PLB1: variants seen among roughly 807,000 people sequenced by gnomAD.
PLB1 encodes phospholipase B1, also known as phospholipase B1, membrane-associated.
A neutral mutation model predicts 227.4 loss-of-function variants in PLB1; 242 were observed. That is an observed-to-expected ratio of 1.06 (90% CI 0.96 to 1.18). The LOEUF is 1.18. Among genes scored for constraint, PLB1 ranks in the 50% most tolerant of loss-of-function variants. PLB1 has a pLI of 0.00. For missense variants in PLB1, 1,858 were observed against 1,816.3 expected, an observed-to-expected ratio of 1.02 and a Z score of -0.42; for synonymous variants, 757 against 682.2, an observed-to-expected ratio of 1.11 and a Z score of -1.71.
At position 28,632,977 on chromosome 2, in the gene PLB1, G is replaced by GACTGTTTTCACTTCT; in HGVS notation, c.4037_4051dup (p.Phe1350_Ser1351insTyrCysPheHisPhe). ...CACTGACCTCACCTTCTTCTCCGAG[G>GACTGTTTTCACTTCT]ACTGTTTTCACTTCTCAGACCGCGG... On this transcript the variant is annotated inframe_insertion, in exon 56 of 58. Coordinates refer to ENST00000327757, the MANE Select transcript of PLB1 (RefSeq NM_153021.5). 6.2e-7 allele frequency: 1 copy of GACTGTTTTCACTTCT among 1,606,516 alleles called. No individual in the cohort carries two copies. Among genetic ancestry groups the GACTGTTTTCACTTCT allele is most frequent in the Non-Finnish European group, 8.5e-7 (1 of 1,179,904 alleles).
rs751892649 is a variant in PLB1 at position 28,642,895 on chromosome 2, T to C, written c.4211T>C (p.Leu1404Ser). Residue 1404 changes from leucine (L) to serine (S), a missense_variant, in exon 58 of 58, where the codon TTG becomes TCG. Physicochemically the swap from Leu to Ser is moderately radical, Grantham distance 145. Transcript: ENST00000327757. ...PYLYTLRNSR[L>S]LPDQAEEAPE... Reference sequence around the variant, plus strand: ...CTCTACACCCTGCGGAACAGCCGATTGCTCCCAGACCAGGCTGAAGAAGCC... The same window carrying C: ...CTCTACACCCTGCGGAACAGCCGATCGCTCCCAGACCAGGCTGAAGAAGCC... 3.1e-6 allele frequency: 5 copies of C among 1,608,130 alleles called. No homozygotes were observed. The South Asian group carries it at 5.6e-5, about 18-fold the overall frequency.
At chr2:28,565,233 C>A (rs775700182) in intron 18 of PLB1, 47 bp from the exon 19 acceptor site, 80 of 1,532,072 alleles carry the variant, frequency 5.2e-5, no homozygotes, top group Non-Finnish European at 6.6e-5. Flanking sequence ...CAGAGGTGGG[C>A]CACTGGGGAA....
Position 28,620,944 on chromosome 2 carries a change from G to C in PLB1, c.3493G>C (p.Gly1165Arg). The C allele has an allele frequency of 6.2e-7, 1 of 1,613,742 alleles. No homozygotes were observed. Among genetic ancestry groups the C allele is most frequent in the Non-Finnish European group, 8.5e-7 (1 of 1,179,780 alleles). The change falls in exon 49 of 58, where the codon GGA becomes CGA. Residue 1165 changes from glycine to arginine, a missense_variant. Transcript: ENST00000327757. ...TACCAGCACCTGGGAGGGGACAGCA[G>C]GACTAAATGTGGCAGCGGAAGGGGC... ...FSTSTWEGTAGLNVAAEGARA... is the reference protein window; with the variant it reads ...FSTSTWEGTARLNVAAEGARA...
intron 1 of PLB1, among the ~76,000 whole-genome samples, chr2:28,507,273 C>T (rs1207879680): frequency 2.0e-5 from 3 of 152,136 alleles, no homozygotes; most frequent in Non-Finnish European, 1.5e-5. Context: ...TAGTGTGCTG[C>T]TATAATACCA....
At chr2:28,545,901 C>T (rs1231719935) in intron 14 of PLB1, among the ~76,000 whole-genome samples, 2 of 152,172 alleles carry the variant, frequency 1.3e-5, no homozygotes. Context: ...GTCCATTACT[C>T]TGTCCTCAGA....
intron 56 of PLB1, among the ~76,000 whole-genome samples, chr2:28,637,511 C>T (rs1055960674): frequency 1.2e-4 from 19 of 152,060 alleles, no homozygotes; most frequent in African/African-American, 4.6e-4. Flanking sequence ...AAAAGAAAAC[C>T]TGACCCAGTC....
chr2:28,520,897 C>A (rs1314459095), intron 4 of PLB1, among the ~76,000 whole-genome samples: 1 of 152,170 alleles, frequency 6.6e-6, no homozygotes, highest in East Asian at 1.9e-4. Flanking sequence ...ATCGCTTGAA[C>A]CCAGGAGGCA....
chr2:28,532,459 C>T (rs1247017141), intron 9 of PLB1, among the ~76,000 whole-genome samples: 1 of 152,138 alleles, frequency 6.6e-6, no homozygotes, highest in Non-Finnish European at 1.5e-5. Flanking sequence ...ATAAAATACA[C>T]ATAAAGTTGA....
chr2:28,570,812 C>G (rs954768335), intron 20 of PLB1, among the ~76,000 whole-genome samples: 4 of 152,022 alleles, frequency 2.6e-5, no homozygotes, highest in African/African-American at 9.7e-5. Flanking sequence ...AAATACTGAA[C>G]AAATTAGGGA....
At chr2:28,586,335 G>A (rs1387746182) in intron 26 of PLB1, among the ~76,000 whole-genome samples, 1 of 152,210 alleles carries the variant, frequency 6.6e-6, no homozygotes, top group East Asian at 1.9e-4. Context: ...TAGAATGGAT[G>A]ATCTTGGGAG....
At chr2:28,556,543 A>G (rs1279429678) in intron 17 of PLB1, among the ~76,000 whole-genome samples, 1 of 152,212 alleles carries the variant, frequency 6.6e-6, no homozygotes, top group Non-Finnish European at 1.5e-5. Context: ...AAACACTCAT[A>G]TCATGCTCCA....
At chr2:28,522,043 T>C (rs1293756381) in intron 4 of PLB1, among the ~76,000 whole-genome samples, 1 of 152,076 alleles carries the variant, frequency 6.6e-6, no homozygotes, top group African/African-American at 2.4e-5. Context: ...CCAGAGACCT[T>C]GGACCTGTCT....
In PLB1 at chr2:28,642,850, C is replaced by T; in HGVS notation, c.4174-8C>T. The T allele has an allele frequency of 1.9e-6, 3 of 1,581,932 alleles. No individual in the cohort carries two copies. The highest frequency in any genetic ancestry group is 2.3e-5 in the South Asian group (2 of 87,056). On this transcript the variant is annotated splice_region_variant and splice_polypyrimidine_tract_variant and intron_variant, in intron 57 of 57. Transcript: ENST00000327757. ...TCCTTTCCACTGACCCCCGCTCCTCCTCCACAGGAGAGCCCTTACCTCTAC... is the reference window on the plus strand; with the variant it reads ...TCCTTTCCACTGACCCCCGCTCCTCTTCCACAGGAGAGCCCTTACCTCTAC...
At chr2:28,587,681 G>A (rs1306862779) in intron 26 of PLB1, among the ~76,000 whole-genome samples, 1 of 152,034 alleles carries the variant, frequency 6.6e-6, no homozygotes, top group Non-Finnish European at 1.5e-5. Context: ...TGTCACTGCT[G>A]CTTCTAGGAA....
chr2:28,517,162 A>C (rs1668953273), intron 2 of PLB1, among the ~76,000 whole-genome samples: 1 of 152,196 alleles, frequency 6.6e-6, no homozygotes, highest in South Asian at 2.1e-4. Flanking sequence ...AGATGTTGGG[A>C]GTTATCTGAA....
chr2:28,591,796 C>T (rs766270655), intron 31 of PLB1, 36 bp downstream of exon 31: 3 of 1,602,774 alleles, frequency 1.9e-6, no homozygotes, highest in African/African-American at 2.7e-5. Context: ...CCCAGGGCCC[C>T]TCCACAGGGG....
chr2:28,552,282 A>C (rs976325179), intron 16 of PLB1, among the ~76,000 whole-genome samples: 4 of 152,174 alleles, frequency 2.6e-5, no homozygotes, highest in African/African-American at 7.2e-5. Context: ...AAATAGAAGA[A>C]AGGAAAGTGA....
chr2:28,506,085 A>G (rs754381253), intron 1 of PLB1, among the ~76,000 whole-genome samples: 2 of 152,146 alleles, frequency 1.3e-5, no homozygotes, highest in Non-Finnish European at 2.9e-5. Context: ...ATCAAGTTGC[A>G]TTTTTGTTAC....
chr2:28,563,092 C>G lies in PLB1; in HGVS notation c.1199C>G (p.Ser400Cys), dbSNP rs879234117. Reference sequence around the variant, plus strand: ...AACGTAATTGGAGCCCTGGGTGACTCTCTCACGGTAAGTGACCCTGATGCA... The same window carrying G: ...AACGTAATTGGAGCCCTGGGTGACTGTCTCACGGTAAGTGACCCTGATGCA... ...DINVIGALGD[S>C]LTAGNGAGST... Residue 400 changes from serine to cysteine, a missense_variant, in exon 18 of 58, where the codon TCT (serine) becomes TGT (cysteine). By Grantham distance (112) the Ser-to-Cys change is moderately radical. Coordinates refer to ENST00000327757, the MANE Select transcript of PLB1 (RefSeq NM_153021.5). 6.2e-7 allele frequency: 1 copy of G among 1,613,106 alleles called. No homozygotes were observed. The highest frequency in any genetic ancestry group is 1.7e-5 in the Admixed American group (1 of 60,000).
Sources: allele counts gnomAD v4.1 joint callset (sites outside exome capture counted in the v4.1 genomes callset), GRCh38; gene constraint gnomAD v4.1.1; transcripts MANE v1.5; gene names NCBI Gene and HGNC (gene_info 2026-07-23, HGNC 2026-07-21).